The following CTDSPL2 variants were observed in gnomAD, a reference collection of about 807,000 sequenced individuals.
The protein encoded by CTDSPL2 is CTD small phosphatase like 2.
A neutral mutation model predicts 60.0 loss-of-function variants in CTDSPL2; 5 were observed. The observed-to-expected ratio is 0.08, with a 90% CI of 0.04 to 0.18. The LOEUF is 0.18. CTDSPL2 is among the 10% of genes least tolerant of loss of function. The pLI is 1.00. For synonymous variants in CTDSPL2, 186 were observed against 189.3 expected, an observed-to-expected ratio of 0.98 and a Z score of 0.14; for missense variants, 370 against 548.8, an observed-to-expected ratio of 0.67 and a Z score of 3.26.
At chr15:44,517,014 AT>A (rs1181308442) in intron 10 of CTDSPL2, 9 of 151,646 alleles carry the variant, frequency 5.9e-5, no homozygotes, top group African/African-American at 2.2e-4. Context: ...TAATTTTTGT[AT>A]TTTTAATAGA....
At chr15:44,427,801 T>C (rs2079775362) in intron 1 of CTDSPL2, 29 bp downstream of exon 1, 1 of 398,324 alleles carries the variant, frequency 2.5e-6, no homozygotes, top group Non-Finnish European at 4.4e-6. Context: ...ACGCCGCCGC[T>C]GCTTCCAATC....
chr15:44,446,370 G>A (rs911140708), intron 1 of CTDSPL2, among the ~76,000 whole-genome samples: 2 of 152,108 alleles, frequency 1.3e-5, no homozygotes, highest in Non-Finnish European at 2.9e-5. Flanking sequence ...GCTCACGCCT[G>A]TAATCCCAGC....
At chr15:44,515,574 T>TA (rs2081635501) in intron 10 of CTDSPL2, among the ~76,000 whole-genome samples, 3 of 152,126 alleles carry the variant, frequency 2.0e-5, no homozygotes, top group African/African-American at 7.2e-5. Flanking sequence ...AAACGGCTCA[T>TA]AAAAGCTTTA....
intron 1 of CTDSPL2, among the ~76,000 whole-genome samples, chr15:44,436,941 T>C (rs531898631): frequency 7.2e-5 from 11 of 152,336 alleles, no homozygotes; most frequent in Admixed American, 2.0e-4. Context: ...TATTTGCATA[T>C]ACATAATGAG....
At chr15:44,427,987 C>T (rs2079780668) in intron 1 of CTDSPL2, 2 of 297,478 alleles carry the variant, frequency 6.7e-6, no homozygotes, top group Non-Finnish European at 1.2e-5. Flanking sequence ...GCTCACTTCC[C>T]GCCAGCTTCA....
chr15:44,455,011 C>G (rs2080405056), intron 1 of CTDSPL2, among the ~76,000 whole-genome samples: 1 of 152,132 alleles, frequency 6.6e-6, no homozygotes, highest in South Asian at 2.1e-4. Flanking sequence ...TATAAATTAC[C>G]TTGGGCAGTA....
chr15:44,455,572 CTTA>C (rs898473995), intron 1 of CTDSPL2, among the ~76,000 whole-genome samples: 2 of 151,998 alleles, frequency 1.3e-5, no homozygotes, highest in Non-Finnish European at 2.9e-5. Flanking sequence ...ATAAATAGCT[CTTA>C]TTATTTTGAG....
intron 2 of CTDSPL2, among the ~76,000 whole-genome samples, chr15:44,465,125 A>G (rs2080659287): frequency 6.6e-6 from 1 of 152,164 alleles, no homozygotes; most frequent in Non-Finnish European, 1.5e-5. Context: ...TGTGAATGAA[A>G]TCTTTGGTCT....
Position 44,496,376 on chromosome 15 carries a change from A to C in CTDSPL2, c.692-4A>C. On this transcript the variant is annotated splice_region_variant and splice_polypyrimidine_tract_variant and intron_variant, in intron 5 of 12. Coordinates refer to ENST00000260327, the MANE Select transcript of CTDSPL2 (RefSeq NM_016396.3). ...AACATTTTTTCTTTCACTATGTTAA[A>C]TAGCACCAGTAACTCCAGATAGTGG... 6.2e-7 allele frequency: 1 copy of C among 1,607,846 alleles called. No homozygotes were observed. Among genetic ancestry groups the C allele is most frequent in the Non-Finnish European group, 8.5e-7 (1 of 1,175,168 alleles).
rs140007075 is a variant in CTDSPL2 at position 44,433,274 on chromosome 15, C to T, written c.-25+5502C>T. ...AGGCTGCAGTGAGCCGTGAGGGTGCCATCCATTGCACTCCAGTCTTCCAGC... is the reference window on the plus strand; with the variant it reads ...AGGCTGCAGTGAGCCGTGAGGGTGCTATCCATTGCACTCCAGTCTTCCAGC... On this transcript the variant is annotated intron_variant, in intron 1 of 12. Coordinates refer to ENST00000260327, the MANE Select transcript of CTDSPL2 (RefSeq NM_016396.3). Among the ~76,000 whole-genome samples the T allele has an allele frequency of 4.3e-3, 633 of 147,210 alleles. 4 individuals are homozygous for T. The highest frequency in any genetic ancestry group is 0.015 in the African/African-American group (613 of 39,786).
rs2081835878 is a variant in CTDSPL2 at position 44,524,120 on chromosome 15, T to G, written c.1347T>G (p.Val449=). The part of the protein sequence containing the change: ...LEKLVELNED[V]RPHIRDRFRL... ...TTTTTTCCACGCAGAATGAAGATGT[T>G]CGACCACACATCAGAGACAGATTTC... The change falls in exon 13 of 13, where the codon GTT becomes GTG. Residue 449 remains valine (V), a synonymous_variant. Transcript: ENST00000260327. 1 of 1,613,820 alleles carries G rather than the reference T, an allele frequency of 6.2e-7. No homozygotes were observed. Among genetic ancestry groups the G allele is most frequent in the African/African-American group, 1.3e-5 (1 of 74,932 alleles).
rs1044936861 is a variant in CTDSPL2, at chr15:44,527,305, T to G, written c.*3131T>G. On this transcript the variant is annotated 3_prime_UTR_variant, in exon 13 of 13. Transcript: ENST00000260327. The stretch of plus-strand genomic sequence containing the variant: ...TTTTTTTCCAAGGGTTAACATAGAA[T>G]GTTTTTTTTAAAAAATTATCTTTGG... The G allele has an allele frequency of 6.6e-6, 1 of 152,486 alleles. No individual in the cohort carries two copies. Among genetic ancestry groups the G allele is most frequent in the Non-Finnish European group, 1.5e-5 (1 of 67,974 alleles). 9.4% of individuals were successfully genotyped at this position (152,486 alleles called of 1,614,324 possible).
chr15:44,449,837 G>A (rs187525549), intron 1 of CTDSPL2, among the ~76,000 whole-genome samples: 1 of 151,892 alleles, frequency 6.6e-6, no homozygotes, highest in East Asian at 1.9e-4. Flanking sequence ...CTAAAAATAC[G>A]AAAATTTGCC....
At chr15:44,522,630 A>G (rs943979804) in intron 12 of CTDSPL2, among the ~76,000 whole-genome samples, 1 of 152,056 alleles carries the variant, frequency 6.6e-6, no homozygotes. Context: ...GTGGGCGCCT[A>G]TAATCCCAGC....
At chr15:44,477,197 C>T (rs148926270) in intron 2 of CTDSPL2, among the ~76,000 whole-genome samples, 1 of 152,100 alleles carries the variant, frequency 6.6e-6, no homozygotes, top group African/African-American at 2.4e-5. Flanking sequence ...CCACTGCACT[C>T]TAGCCTGAGT....
At chr15:44,510,104 G>A (rs2081540741) in intron 8 of CTDSPL2, among the ~76,000 whole-genome samples, 1 of 150,862 alleles carries the variant, frequency 6.6e-6, no homozygotes, top group African/African-American at 2.4e-5. Context: ...TCCGGTCTCA[G>A]CCTCCCCAGT....
At chr15:44,432,310 TTTA>T (rs5812274) in intron 1 of CTDSPL2, among the ~76,000 whole-genome samples, 134,491 of 148,006 alleles carry the variant, frequency 0.91, 61,380 homozygotes, top group East Asian at 1. Flanking sequence ...ATATTATTAT[TTTA>T]TTATTATTAT....
chr15:44,438,369 G>A (rs765764452), intron 1 of CTDSPL2, among the ~76,000 whole-genome samples: 3 of 152,154 alleles, frequency 2.0e-5, no homozygotes, highest in Non-Finnish European at 4.4e-5. Context: ...TTATTTTGAA[G>A]GCAGTTGATG....
At chr15:44,479,087 A>G (rs954879441) in intron 2 of CTDSPL2, among the ~76,000 whole-genome samples, 2 of 152,058 alleles carry the variant, frequency 1.3e-5, no homozygotes, top group Admixed American at 6.5e-5. Flanking sequence ...CAAAAAAAAA[A>G]AAACAAGTTT....
Sources: gnomAD v4.1 joint callset for allele counts (sites outside exome capture counted in the v4.1 genomes callset) on GRCh38, gnomAD v4.1.1 for gene constraint, MANE v1.5 for transcripts, NCBI Gene and HGNC (gene_info 2026-07-23, HGNC 2026-07-21) for gene names.